Variants in NRXN1 observed in about 807,000 individuals in gnomAD.
NRXN1 encodes neurexin-1.
Under a neutral mutation model 150.9 loss-of-function variants are expected in NRXN1, and 39 were observed. The ratio of observed to expected loss-of-function variants is 0.26; its 90% CI spans 0.20 to 0.34. The LOEUF is 0.34. NRXN1 is among the 10% of genes least tolerant of loss of function. The pLI, the probability that NRXN1 is intolerant of heterozygous loss-of-function variation, is 1.00. For missense variants in NRXN1, 1,815 were observed against 1,949.9 expected, an observed-to-expected ratio of 0.93 and a Z score of 1.30; for synonymous variants, 924 against 757.0, an observed-to-expected ratio of 1.22 and a Z score of -3.62.
intron 5 of NRXN1, among the ~76,000 whole-genome samples, chr2:50,831,115 T>A (rs952731719): frequency 1.3e-5 from 2 of 152,170 alleles, no homozygotes; most frequent in African/African-American, 2.4e-5. Flanking sequence ...ACTCCTTAAG[T>A]TATTTATAAA....
chr2:50,908,203 T>C (rs1160595), intron 5 of NRXN1, among the ~76,000 whole-genome samples: 21,470 of 152,012 alleles, frequency 0.14, 1,788 homozygotes, highest in East Asian at 0.34. Context: ...TGTTTCATGT[T>C]TTAAAGTGGG....
intron 5 of NRXN1, among the ~76,000 whole-genome samples, chr2:50,759,929 G>C (rs1701606681): frequency 2.0e-5 from 3 of 150,276 alleles, no homozygotes; most frequent in Non-Finnish European, 4.4e-5. Flanking sequence ...ATTATACCTA[G>C]TACCACCAGT....
At chr2:50,815,617 T>G (rs1046276502) in intron 5 of NRXN1, among the ~76,000 whole-genome samples, 1 of 152,162 alleles carries the variant, frequency 6.6e-6, no homozygotes, top group African/African-American at 2.4e-5. Context: ...TTGTGGTCCC[T>G]TAATAAATTC....
chr2:50,276,337 G>A (rs575377348), intron 17 of NRXN1, among the ~76,000 whole-genome samples: 7 of 152,136 alleles, frequency 4.6e-5, no homozygotes, highest in Non-Finnish European at 1.0e-4. Flanking sequence ...GAAAGTATGA[G>A]ATGAACATGA....
intron 18 of NRXN1, among the ~76,000 whole-genome samples, chr2:50,135,374 T>G (rs1706226741): frequency 6.6e-6 from 1 of 152,162 alleles, no homozygotes. Context: ...AAACAATTAT[T>G]AAGTCTTTTC....
chr2:50,696,202 G>C (rs1574137103), intron 5 of NRXN1: 1 of 151,996 alleles, frequency 6.6e-6, no homozygotes, highest in East Asian at 2.0e-4. Flanking sequence ...GTGTGTGTGT[G>C]TGTGTGTGTG....
chr2:50,763,488 T>C (rs1702046893), intron 5 of NRXN1, among the ~76,000 whole-genome samples: 1 of 151,952 alleles, frequency 6.6e-6, no homozygotes, highest in Non-Finnish European at 1.5e-5. Flanking sequence ...ATAGTTTCTC[T>C]TCTTCCCCCT....
At chr2:50,312,810 T>C (rs375351152) in intron 17 of NRXN1, 46 of 501,324 alleles carry the variant, frequency 9.2e-5, no homozygotes, top group Non-Finnish European at 1.7e-4. Flanking sequence ...AAACAAACAA[T>C]GGTAAAATTA....
At chr2:50,475,912 G>T (rs931663917) in intron 15 of NRXN1, among the ~76,000 whole-genome samples, 11 of 151,734 alleles carry the variant, frequency 7.2e-5, no homozygotes, top group Non-Finnish European at 1.3e-4. Context: ...AATGGGTCCT[G>T]CAGGTGAGTC....
At chr2:51,007,824 A>C (rs1003743005) in intron 2 of NRXN1, among the ~76,000 whole-genome samples, 13 of 151,930 alleles carry the variant, frequency 8.6e-5, no homozygotes, top group Admixed American at 7.9e-4. Flanking sequence ...CTTCATTTCA[A>C]AAGTTTTCAT....
chr2:50,146,026 T>C (rs1331289921), intron 18 of NRXN1, among the ~76,000 whole-genome samples: 4 of 151,634 alleles, frequency 2.6e-5, no homozygotes, highest in African/African-American at 9.7e-5. Context: ...ATTGGAAGAA[T>C]AATATGAGTG....
At chr2:50,865,423 G>A (rs760105476) in intron 5 of NRXN1, among the ~76,000 whole-genome samples, 2 of 151,762 alleles carry the variant, frequency 1.3e-5, no homozygotes, top group Admixed American at 6.6e-5. Flanking sequence ...TATAAAAAAG[G>A]AATTGAGGCT....
chr2:50,923,402 A>T (rs377577409), intron 3 of NRXN1: 8 of 307,374 alleles, frequency 2.6e-5, no homozygotes, highest in African/African-American at 1.7e-4. Flanking sequence ...TTAAATGCTG[A>T]ACTCTAAGTT....
intron 5 of NRXN1, among the ~76,000 whole-genome samples, chr2:50,847,622 C>T (rs1261203895): frequency 6.6e-6 from 1 of 152,126 alleles, no homozygotes; most frequent in Non-Finnish European, 1.5e-5. Flanking sequence ...AACCGGAGAC[C>T]CTAGCAGGCC....
intron 5 of NRXN1, among the ~76,000 whole-genome samples, chr2:50,705,919 A>G (rs1312462285): frequency 1.3e-5 from 2 of 152,198 alleles, no homozygotes; most frequent in African/African-American, 4.8e-5. Context: ...ACAAATTCTA[A>G]TTAGAGATAA....
At chr2:50,074,054 T>C (rs1039476979) in intron 19 of NRXN1, among the ~76,000 whole-genome samples, 3 of 152,128 alleles carry the variant, frequency 2.0e-5, no homozygotes, top group African/African-American at 4.8e-5. Flanking sequence ...CATATAACCA[T>C]AGATGCTTTA....
chr2:50,506,297 T>C (rs1202087499), intron 13 of NRXN1, among the ~76,000 whole-genome samples, 198 bp downstream of exon 13: 3 of 152,084 alleles, frequency 2.0e-5, no homozygotes, highest in Admixed American at 6.6e-5. Context: ...GAATATGACA[T>C]AAAATGTGTC....
intron 5 of NRXN1, among the ~76,000 whole-genome samples, chr2:50,865,406 C>T (rs1230070418): frequency 6.6e-6 from 1 of 151,670 alleles, no homozygotes; most frequent in Non-Finnish European, 1.5e-5. Flanking sequence ...TTAAATCATC[C>T]CAGTTTTATA....
intron 17 of NRXN1, among the ~76,000 whole-genome samples, chr2:50,400,667 G>A (rs891113610): frequency 2.0e-5 from 3 of 152,034 alleles, no homozygotes; most frequent in Non-Finnish European, 4.4e-5. Context: ...ATGTCAGTGT[G>A]GACAAGTAAG....
Sources: allele counts gnomAD v4.1 joint callset (sites outside exome capture counted in the v4.1 genomes callset), GRCh38; gene constraint gnomAD v4.1.1; transcripts MANE v1.5; gene names NCBI Gene and HGNC (gene_info 2026-07-23, HGNC 2026-07-21).